The following RSBN1L variants were observed in gnomAD, a reference collection of about 807,000 sequenced individuals.
RSBN1L encodes the protein round spermatid basic protein 1 like.
A neutral mutation model predicts 67.7 loss-of-function variants in RSBN1L; 30 were observed. The ratio of observed to expected loss-of-function variants is 0.44; its 90% CI spans 0.33 to 0.60. The LOEUF (loss-of-function observed/expected upper bound fraction) is 0.60. RSBN1L is among the 20% of genes least tolerant of loss of function. RSBN1L has a pLI of 0.02. For synonymous variants in RSBN1L, 433 were observed against 387.0 expected (o/e 1.12, Z -1.39); for missense variants, 992 against 1,031.7 (o/e 0.96, Z 0.53).
At chr7:77,742,062 G>T (rs756021827) in intron 2 of RSBN1L, among the ~76,000 whole-genome samples, 2 of 151,774 alleles carry the variant, frequency 1.3e-5, no homozygotes, top group Non-Finnish European at 2.9e-5. Flanking sequence ...AGGCATGGTG[G>T]CTCACAGCTC....
chr7:77,755,178 AT>A (rs1372749151), intron 3 of RSBN1L, among the ~76,000 whole-genome samples: 1 of 152,196 alleles, frequency 6.6e-6, no homozygotes, highest in Non-Finnish European at 1.5e-5. Flanking sequence ...GTTTTACTTA[AT>A]ATAAACCACA....
chr7:77,744,637 C>T (rs192538803), intron 2 of RSBN1L, among the ~76,000 whole-genome samples: 239 of 148,460 alleles, frequency 1.6e-3, no homozygotes, highest in Middle Eastern at 0.012. Context: ...AGGCTGGTCT[C>T]GAACTCCTGA....
At chr7:77,727,929 T>A (rs1486289096) in intron 1 of RSBN1L, among the ~76,000 whole-genome samples, 1 of 152,194 alleles carries the variant, frequency 6.6e-6, no homozygotes, top group Non-Finnish European at 1.5e-5. Context: ...AGTTAAAAAT[T>A]GCCTCTCTTT....
intron 1 of RSBN1L, among the ~76,000 whole-genome samples, chr7:77,731,657 T>G (rs534862582): frequency 6.6e-6 from 1 of 152,362 alleles, no homozygotes; most frequent in African/African-American, 2.4e-5. Flanking sequence ...TGGCTTCTTT[T>G]TAGTCCCTTG....
chr7:77,759,547 T>C (rs1470806422), intron 3 of RSBN1L: 1 of 152,144 alleles, frequency 6.6e-6, no homozygotes, highest in African/African-American at 2.4e-5. Flanking sequence ...CAGGCCTTGT[T>C]TTTAAAAATA....
intron 1 of RSBN1L, among the ~76,000 whole-genome samples, chr7:77,709,150 GTT>G (rs1238442209): frequency 3.5e-5 from 3 of 85,610 alleles, no homozygotes; most frequent in South Asian, 1.0e-3. Flanking sequence ...AAGGGATTCT[GTT>G]TGTGTGTGTG....
At chr7:77,702,688 G>C (rs1482580280) in intron 1 of RSBN1L, among the ~76,000 whole-genome samples, 2 of 152,142 alleles carry the variant, frequency 1.3e-5, no homozygotes, top group African/African-American at 4.8e-5. Flanking sequence ...AAATACCATA[G>C]AATGGGTGAC....
Position 77,773,313 on chromosome 7 carries a change from T to A in RSBN1L, c.1792T>A (p.Trp598Arg), listed in dbSNP as rs1349527923. The A allele has an allele frequency of 1.3e-6, 2 of 1,523,298 alleles. No homozygotes were observed. Among genetic ancestry groups the A allele is most frequent in the Non-Finnish European group, 1.8e-6 (2 of 1,132,650 alleles). 94.4% of individuals were successfully genotyped at this position (1,523,298 alleles called of 1,614,324 possible). A position where few individuals can be genotyped will look rare whatever the true frequency, so the allele number is the denominator to read the frequency against. ...GVLKAVHCGE[W>R]PDQPRITKDV... ...GCTGAAGGCTGTGCACTGTGGAGAG[T>A]GGTATATATAACTACCGCTATTTTA... Residue 598 changes from tryptophan to arginine, a missense_variant and splice_region_variant, in exon 6 of 8, where the codon TGG (tryptophan) becomes AGG (arginine). Transcript: ENST00000334955.
At chr7:77,735,617 C>T (rs1791324212) in intron 1 of RSBN1L, among the ~76,000 whole-genome samples, 1 of 152,150 alleles carries the variant, frequency 6.6e-6, no homozygotes, top group African/African-American at 2.4e-5. Context: ...GGACATTTCA[C>T]AGTTCTTGTA....
chr7:77,703,013 C>T (rs551204543), intron 1 of RSBN1L, among the ~76,000 whole-genome samples: 1 of 152,286 alleles, frequency 6.6e-6, no homozygotes, highest in East Asian at 1.9e-4. Context: ...AGGCATGATT[C>T]AGTCCATAGT....
At chr7:77,733,502 T>C (rs1791296340) in intron 1 of RSBN1L, among the ~76,000 whole-genome samples, 1 of 152,212 alleles carries the variant, frequency 6.6e-6, no homozygotes, top group Non-Finnish European at 1.5e-5. Context: ...CTAAGATTCC[T>C]TTTCCTGTGT....
rs182725692 is a variant in RSBN1L, at chr7:77,717,864, T to A, written c.587-18546T>A. 4.7e-4 allele frequency among the ~76,000 whole-genome samples: 71 copies of A among 152,126 alleles called. No homozygotes were observed. The East Asian group carries it at 0.012, about 27-fold the overall frequency. On this transcript the variant is annotated intron_variant, in intron 1 of 7. Transcript: ENST00000334955. ...GAAACCCTGTCTCTACTAAAAAATA[T>A]ATAAATTAGCTGGGCGTGGTGCTGT...
chr7:77,757,250 A>T (rs1479095794), intron 3 of RSBN1L, among the ~76,000 whole-genome samples: 5 of 152,228 alleles, frequency 3.3e-5, no homozygotes, highest in Non-Finnish European at 7.3e-5. Context: ...ACACTGACAA[A>T]GGATTAAAAC....
At chr7:77,768,576 T>C in intron 4 of RSBN1L, 85 bp from the exon 5 acceptor site, 2 of 1,165,402 alleles carry the variant, frequency 1.7e-6, no homozygotes, top group South Asian at 1.4e-5. Flanking sequence ...AAAGTGTGTT[T>C]GTCAGGGGAA....
At chr7:77,715,139 G>A (rs1791029420) in intron 1 of RSBN1L, among the ~76,000 whole-genome samples, 1 of 152,038 alleles carries the variant, frequency 6.6e-6, no homozygotes, top group East Asian at 1.9e-4. Flanking sequence ...AGGTGTGGTG[G>A]CATGTGCCTG....
At chr7:77,734,769 G>A (rs981855533) in intron 1 of RSBN1L, among the ~76,000 whole-genome samples, 1 of 152,098 alleles carries the variant, frequency 6.6e-6, no homozygotes, top group Non-Finnish European at 1.5e-5. Context: ...GATTATAGAC[G>A]TGAGCCACCG....
At chr7:77,751,544 A>T (rs546502172) in intron 3 of RSBN1L, among the ~76,000 whole-genome samples, 2 of 152,368 alleles carry the variant, frequency 1.3e-5, no homozygotes. Flanking sequence ...TAGAGCATCC[A>T]TTACTAGCCC....
chr7:77,745,921 GT>G (rs998502036), intron 2 of RSBN1L, among the ~76,000 whole-genome samples: 4 of 152,096 alleles, frequency 2.6e-5, no homozygotes, highest in African/African-American at 9.7e-5. Flanking sequence ...CACATGCATG[GT>G]TCATAATAGG....
chr7:77,709,152 TTGTGTGTGTGTGTGTGTGTG>T (rs67322019), intron 1 of RSBN1L, among the ~76,000 whole-genome samples: 1 of 142,466 alleles, frequency 7.0e-6, no homozygotes, highest in African/African-American at 2.6e-5. Context: ...GGGATTCTGT[TTGTGTGTGTGTGTGTGTGTG>T]TGTGTGTGTG....
Sources: allele counts gnomAD v4.1 joint callset (sites outside exome capture counted in the v4.1 genomes callset), GRCh38; gene constraint gnomAD v4.1.1; transcripts MANE v1.5; gene names NCBI Gene and HGNC (gene_info 2026-07-23, HGNC 2026-07-21).